Variants in HECW1 observed in about 807,000 individuals in gnomAD.
HECW1 encodes HECT, C2 and WW domain containing E3 ubiquitin protein ligase 1.
Under a neutral mutation model 182.3 loss-of-function variants are expected in HECW1, and 61 were observed. That is an observed-to-expected ratio of 0.33 (90% CI 0.27 to 0.41). The LOEUF (loss-of-function observed/expected upper bound fraction) is 0.41. Ranked by LOEUF, HECW1 falls within the 10% of genes least tolerant of loss-of-function variation. HECW1 has a pLI of 1.00. For synonymous variants in HECW1, 859 were observed against 832.6 expected (o/e 1.03, Z -0.55); for missense variants, 1,739 against 2,108.9 (o/e 0.82, Z 3.44).
intron 2 of HECW1, among the ~76,000 whole-genome samples, chr7:43,232,531 G>A (rs1410476857): frequency 6.6e-6 from 1 of 152,198 alleles, no homozygotes; most frequent in Non-Finnish European, 1.5e-5. Flanking sequence ...TGGGTCAGCT[G>A]CAGCTTTCCT....
chr7:43,237,841 C>G (rs990213397), intron 2 of HECW1, among the ~76,000 whole-genome samples: 1 of 143,082 alleles, frequency 7.0e-6, no homozygotes, highest in Admixed American at 6.9e-5. Context: ...TTCCCCCCCG[C>G]CGCCCCCACT....
chr7:43,230,706 A>T (rs551445008), intron 2 of HECW1, among the ~76,000 whole-genome samples: 1 of 152,352 alleles, frequency 6.6e-6, no homozygotes, highest in African/African-American at 2.4e-5. Context: ...AACATGACAC[A>T]TATGTATGTA....
intron 1 of HECW1, chr7:43,113,942 C>T (rs1784844577): frequency 3.7e-6 from 1 of 268,082 alleles, no homozygotes; most frequent in East Asian, 5.7e-5. Flanking sequence ...GTAGGGGGAG[C>T]TGGCAGGGAC....
At chr7:43,480,328 T>A (rs953667520) in intron 17 of HECW1, among the ~76,000 whole-genome samples, 7 of 152,200 alleles carry the variant, frequency 4.6e-5, no homozygotes, top group African/African-American at 1.7e-4. Flanking sequence ...TATCCCATAC[T>A]CTTCCTGCCC....
chr7:43,240,871 A>G (rs73318431), intron 2 of HECW1, among the ~76,000 whole-genome samples: 22,063 of 152,052 alleles, frequency 0.15, 2,380 homozygotes, highest in African/African-American at 0.3. Context: ...CTGCTCTCCT[A>G]TTGCTGTGCC....
intron 4 of HECW1, 75 bp from the exon 5 acceptor site, chr7:43,320,560 C>T: frequency 1.9e-6 from 2 of 1,036,338 alleles, no homozygotes; most frequent in African/African-American, 3.1e-5. Flanking sequence ...GTATCCTTTG[C>T]TTTTCTTTTA....
chr7:43,232,889 A>G lies in HECW1; in HGVS notation c.-31-10986A>G, dbSNP rs565831743. On this transcript the variant is annotated intron_variant, in intron 2 of 29. Transcript: ENST00000395891. ...ACCCATGTGCCTTTGCTCAGAAATC[A>G]TTAACACCAAAAACACAAAAATATT... 3.3e-5 allele frequency among the ~76,000 whole-genome samples: 5 copies of G among 152,342 alleles called. No homozygotes were observed. The East Asian group carries it at 9.6e-4, about 29-fold the overall frequency.
intron 4 of HECW1, 70 bp from the exon 5 acceptor site, chr7:43,320,565 C>A: frequency 1.8e-6 from 2 of 1,088,550 alleles, no homozygotes; most frequent in Non-Finnish European, 2.8e-6. Flanking sequence ...CTTTGCTTTT[C>A]TTTTATTCCC....
Position 43,445,500 on chromosome 7 carries a change from T to C in HECW1, c.2328T>C (p.Pro776=). 1 of 1,611,352 alleles carries C rather than the reference T, an allele frequency of 6.2e-7. No homozygotes were observed. The highest frequency in any genetic ancestry group is 8.5e-7 in the Non-Finnish European group (1 of 1,178,698). ...CGTGGCAAGACGAGCTGGCCGCCCCTAGCGGGCACGTGGAAAGAAGCCCGG... is the reference window on the plus strand; with the variant it reads ...CGTGGCAAGACGAGCTGGCCGCCCCCAGCGGGCACGTGGAAAGAAGCCCGG... The part of the protein sequence containing the change: ...AGPWQDELAA[P]SGHVERSPEG... The change falls in exon 11 of 30, where the codon CCT becomes CCC. Residue 776 remains proline, a synonymous_variant. Transcript: ENST00000395891.
chr7:43,550,208 C>T (rs1276446674), intron 26 of HECW1, among the ~76,000 whole-genome samples: 1 of 152,112 alleles, frequency 6.6e-6, no homozygotes, highest in Non-Finnish European at 1.5e-5. Flanking sequence ...GGGTCATTTG[C>T]CCCCAGGAAT....
chr7:43,123,605 GC>G (rs1785865792), intron 2 of HECW1, among the ~76,000 whole-genome samples: 1 of 151,694 alleles, frequency 6.6e-6, no homozygotes, highest in South Asian at 2.1e-4. Flanking sequence ...TTCAGATTTG[GC>G]CTGAAAGTCA....
intron 7 of HECW1, among the ~76,000 whole-genome samples, chr7:43,406,863 G>C (rs2075628330): frequency 6.6e-6 from 1 of 152,102 alleles, no homozygotes; most frequent in African/African-American, 2.4e-5. Context: ...AGTTTGCAGT[G>C]AGCCAAGATC....
chr7:43,195,994 C>T (rs1794426642), intron 2 of HECW1, among the ~76,000 whole-genome samples: 1 of 152,178 alleles, frequency 6.6e-6, no homozygotes, highest in Admixed American at 6.5e-5. Flanking sequence ...AAATCCAGCA[C>T]CACGTTGGGT....
chr7:43,473,016 G>C (rs1442882476), intron 16 of HECW1, among the ~76,000 whole-genome samples: 1 of 152,134 alleles, frequency 6.6e-6, no homozygotes, highest in Non-Finnish European at 1.5e-5. Context: ...TTGGAGGTGG[G>C]GCCTAGTGGA....
intron 5 of HECW1, among the ~76,000 whole-genome samples, chr7:43,354,244 C>G (rs1814823859): frequency 6.7e-6 from 1 of 148,366 alleles, no homozygotes; most frequent in Non-Finnish European, 1.5e-5. Flanking sequence ...TCCTTCAATG[C>G]AAAGACATAG....
Position 43,266,870 on chromosome 7 carries a change from G to A in HECW1, c.27+22938G>A, listed in dbSNP as rs1450873690. Among the ~76,000 whole-genome samples the A allele has an allele frequency of 2.6e-5, 4 of 152,130 alleles. No individual in the cohort carries two copies. The East Asian group carries it at 7.7e-4, about 29-fold the overall frequency. Reference sequence around the variant, plus strand: ...AGACATAAAAGTAAAATAAATAAATGTCAGCTTAATATGAAATCTAGTGAG... The same window carrying A: ...AGACATAAAAGTAAAATAAATAAATATCAGCTTAATATGAAATCTAGTGAG... On this transcript the variant is annotated intron_variant, in intron 3 of 29. Coordinates refer to ENST00000395891, the MANE Select transcript of HECW1 (RefSeq NM_015052.5).
intron 5 of HECW1, among the ~76,000 whole-genome samples, chr7:43,323,695 G>A (rs1412318811): frequency 6.6e-6 from 1 of 152,088 alleles, no homozygotes; most frequent in Non-Finnish European, 1.5e-5. Context: ...TGGAATGAAA[G>A]CATATTCAAA....
At chr7:43,280,275 C>T (rs1803720569) in intron 3 of HECW1, among the ~76,000 whole-genome samples, 1 of 152,114 alleles carries the variant, frequency 6.6e-6, no homozygotes, top group African/African-American at 2.4e-5. Context: ...TGCAGGAGTG[C>T]AGGGTCACAA....
At chr7:43,321,218 C>T (rs1330352144) in intron 5 of HECW1, among the ~76,000 whole-genome samples, 1 of 152,196 alleles carries the variant, frequency 6.6e-6, no homozygotes, top group African/African-American at 2.4e-5. Flanking sequence ...CTGGCCACAG[C>T]TCCCCCGGAG....
Sources: gnomAD v4.1 joint callset for allele counts (sites outside exome capture counted in the v4.1 genomes callset) on GRCh38, gnomAD v4.1.1 for gene constraint, MANE v1.5 for transcripts, NCBI Gene and HGNC (gene_info 2026-07-23, HGNC 2026-07-21) for gene names.